FXR1: variants seen among roughly 807,000 people sequenced by gnomAD.
The protein encoded by FXR1 is RNA-binding protein FXR1.
A neutral mutation model predicts 84.0 loss-of-function variants in FXR1; 15 were observed. That is an observed-to-expected ratio of 0.18 (90% CI 0.12 to 0.27). The LOEUF is 0.27. Ranked by LOEUF, FXR1 falls within the 10% of genes least tolerant of loss-of-function variation. The pLI, the probability that FXR1 is intolerant of heterozygous loss-of-function variation, is 1.00. For missense variants in FXR1, 480 were observed against 774.4 expected (o/e 0.62, Z 4.51); for synonymous variants, 245 against 250.7 (o/e 0.98, Z 0.21).
At chr3:180,959,649 C>A (rs892278848) in intron 10 of FXR1, among the ~76,000 whole-genome samples, 7 of 151,644 alleles carry the variant, frequency 4.6e-5, no homozygotes, top group Non-Finnish European at 8.8e-5. Context: ...CCTCCCACCC[C>A]CCTTTTTATT....
chr3:180,968,376 G>GAAA, intron 14 of FXR1, 122 bp downstream of exon 14: 1 of 677,524 alleles, frequency 1.5e-6, no homozygotes, highest in South Asian at 1.7e-5. Flanking sequence ...TTGTCTTAGA[G>GAAA]AAAGTAGTGG....
chr3:180,948,043 C>T, intron 4 of FXR1, 107 bp downstream of exon 4: 1 of 684,196 alleles, frequency 1.5e-6, no homozygotes. Context: ...TAAAAGCCTA[C>T]CTGAGAAATA....
chr3:180,951,737 G>A (rs1046125476), intron 8 of FXR1, among the ~76,000 whole-genome samples: 7 of 152,134 alleles, frequency 4.6e-5, no homozygotes, highest in African/African-American at 1.4e-4. Context: ...TTTTATACCC[G>A]TTAACAAATA....
intron 7 of FXR1, among the ~76,000 whole-genome samples, chr3:180,949,932 C>A (rs975815631): frequency 2.0e-5 from 3 of 152,120 alleles, no homozygotes; most frequent in African/African-American, 4.8e-5. Flanking sequence ...TTGTATTTAA[C>A]CTTTTTATTT....
intron 15 of FXR1, among the ~76,000 whole-genome samples, chr3:180,973,267 G>A (rs1713811574): frequency 6.6e-6 from 1 of 152,174 alleles, no homozygotes; most frequent in Non-Finnish European, 1.5e-5. Context: ...CTAAGTGCTT[G>A]TTAATTTAGT....
At chr3:180,951,824 T>A (rs1722257624) in intron 8 of FXR1, among the ~76,000 whole-genome samples, 1 of 152,204 alleles carries the variant, frequency 6.6e-6, no homozygotes, top group Non-Finnish European at 1.5e-5. Flanking sequence ...TTAGAATAGC[T>A]TTTCTAGAAC....
intron 1 of FXR1, among the ~76,000 whole-genome samples, chr3:180,916,406 T>A (rs904633536): frequency 6.6e-6 from 1 of 152,236 alleles, no homozygotes; most frequent in African/African-American, 2.4e-5. Context: ...TTTATTTTTA[T>A]TTTTTGAGAC....
At chr3:180,939,669 ATACTT>A (rs1720916503) in intron 3 of FXR1, among the ~76,000 whole-genome samples, 1 of 152,180 alleles carries the variant, frequency 6.6e-6, no homozygotes, top group African/African-American at 2.4e-5. Flanking sequence ...AACTGTGTGA[ATACTT>A]TATTAGCTTG....
chr3:180,915,021 T>A, intron 1 of FXR1: 1 of 624,882 alleles, frequency 1.6e-6, no homozygotes, highest in Non-Finnish European at 2.0e-6. Context: ...TACCATTATC[T>A]AACAATGGAC....
At chr3:180,925,217 C>G (rs1051387933) in intron 1 of FXR1, among the ~76,000 whole-genome samples, 1 of 151,854 alleles carries the variant, frequency 6.6e-6, no homozygotes, top group African/African-American at 2.4e-5. Flanking sequence ...AAAAGTTAGC[C>G]GGGCATGGTG....
At position 180,947,949 on chromosome 3, in the gene FXR1, C is replaced by T. The variant is rs745629719; in HGVS notation, c.270+13C>T. 86 of 1,521,430 alleles carry T rather than the reference C, an allele frequency of 5.7e-5. 1 individual carries two copies. The highest frequency in any genetic ancestry group is 7.3e-6 in the Non-Finnish European group (8 of 1,101,176). The allele number at this position is 1,521,430 out of a possible 1,614,324, so 94.2% of individuals were successfully genotyped here. A position where few individuals can be genotyped will look rare whatever the true frequency, so the allele number is the denominator to read the frequency against. ...GATGAAAGGAGAAGTAAGTACTCTTCACACTTGCTTTGTGACTAGTTTCTA... is the reference window on the plus strand; with the variant it reads ...GATGAAAGGAGAAGTAAGTACTCTTTACACTTGCTTTGTGACTAGTTTCTA... On this transcript the variant is annotated intron_variant, in intron 4 of 16. Coordinates refer to ENST00000357559, the MANE Select transcript of FXR1 (RefSeq NM_005087.4).
chr3:180,951,488 C>T lies in FXR1; in HGVS notation c.801+20C>T, dbSNP rs1244557558. On this transcript the variant is annotated intron_variant, in intron 8 of 16. Coordinates refer to ENST00000357559, the MANE Select transcript of FXR1 (RefSeq NM_005087.4). ...GGAGAGGTAAGTTCTCTTTCTCCTG[C>T]CTTGGCCTTTAGTGTATTAACCATC... 2.6e-6 allele frequency: 4 copies of T among 1,566,484 alleles called. No homozygotes were observed. The African/African-American group carries it at 4.1e-5, about 16-fold the overall frequency.
intron 1 of FXR1, among the ~76,000 whole-genome samples, chr3:180,917,995 G>A (rs528454016): frequency 1.4e-5 from 2 of 143,526 alleles, no homozygotes; most frequent in South Asian, 2.2e-4. Flanking sequence ...TATATTTCTT[G>A]TAAAGTTTTG....
chr3:180,943,722 C>T (rs1236743445), intron 3 of FXR1, among the ~76,000 whole-genome samples: 1 of 152,094 alleles, frequency 6.6e-6, no homozygotes, highest in Non-Finnish European at 1.5e-5. Flanking sequence ...AGCCTCCAGG[C>T]AGTTGAGATG....
At chr3:180,958,516 C>T (rs751070116) in intron 10 of FXR1, among the ~76,000 whole-genome samples, 6 of 152,186 alleles carry the variant, frequency 3.9e-5, no homozygotes, top group African/African-American at 1.4e-4. Context: ...TGAATTACTT[C>T]ATTTAGAATA....
At chr3:180,936,883 C>T (rs1720581979) in intron 3 of FXR1, among the ~76,000 whole-genome samples, 1 of 152,168 alleles carries the variant, frequency 6.6e-6, no homozygotes, top group Non-Finnish European at 1.5e-5. Flanking sequence ...GTAAGGATAC[C>T]TGTAACTATC....
chr3:180,970,383 A>AATATATATATATATATAT lies in FXR1; in HGVS notation c.1603+47_1603+64dup, dbSNP rs56345724. ...GGTATGTAAGCACTTAGGGAAGAGA[A>AATATATATATATATATAT]ATATATATATATATATATATATATA... On this transcript the variant is annotated intron_variant, in intron 15 of 16. Coordinates refer to ENST00000357559, the MANE Select transcript of FXR1 (RefSeq NM_005087.4). The AATATATATATATATATAT allele has an allele frequency of 2.2e-4, 82 of 368,182 alleles. 1 individual carries two copies. Among genetic ancestry groups the AATATATATATATATATAT allele is most frequent in the African/African-American group, 5.5e-4 (18 of 33,006 alleles). 22.8% of individuals were successfully genotyped at this position (368,182 alleles called of 1,614,324 possible).
chr3:180,962,645 GTCT>G (rs1712263898), intron 11 of FXR1, among the ~76,000 whole-genome samples: 1 of 152,074 alleles, frequency 6.6e-6, no homozygotes, highest in African/African-American at 2.4e-5. Context: ...GAGAGTCCAT[GTCT>G]TCTTTTATAT....
intron 11 of FXR1, among the ~76,000 whole-genome samples, chr3:180,962,488 G>T (rs1270819944): frequency 6.6e-6 from 1 of 152,192 alleles, no homozygotes; most frequent in Non-Finnish European, 1.5e-5. Context: ...AAAGTAGCTT[G>T]TTAATAGTAC....
Sources: gnomAD v4.1 joint callset for allele counts (sites outside exome capture counted in the v4.1 genomes callset) on GRCh38, gnomAD v4.1.1 for gene constraint, MANE v1.5 for transcripts, NCBI Gene and HGNC (gene_info 2026-07-23, HGNC 2026-07-21) for gene names.